CDH13: variants seen among roughly 807,000 people sequenced by gnomAD.
CDH13 encodes the protein cadherin 13, also known as cadherin-13.
A neutral mutation model predicts 63.8 loss-of-function variants in CDH13; 24 were observed. The observed-to-expected ratio is 0.38, with a 90% CI of 0.27 to 0.53. CDH13 has a LOEUF of 0.53. Among genes scored for constraint, CDH13 ranks in the 20% least tolerant of loss-of-function variants. CDH13 has a pLI of 0.85. For missense variants in CDH13, 1,049 were observed against 903.1 expected (o/e 1.16, Z -2.07); for synonymous variants, 503 against 355.3 (o/e 1.42, Z -4.67).
chr16:83,496,249 AC>A (rs2074141025), intron 7 of CDH13, among the ~76,000 whole-genome samples: 1 of 148,978 alleles, frequency 6.7e-6, no homozygotes, highest in East Asian at 2.0e-4. Context: ...ACACTACCTG[AC>A]TTCAAACTAT....
intron 3 of CDH13, among the ~76,000 whole-genome samples, chr16:83,052,222 G>A (rs544919168): frequency 1.3e-5 from 2 of 152,220 alleles, no homozygotes; most frequent in East Asian, 3.9e-4. Flanking sequence ...AGCACCTAAT[G>A]ATACATTATT....
At chr16:82,980,045 A>G (rs112117302) in intron 2 of CDH13, among the ~76,000 whole-genome samples, 13 of 152,294 alleles carry the variant, frequency 8.5e-5, no homozygotes, top group African/African-American at 3.1e-4. Flanking sequence ...AGTACAGGGA[A>G]ACCACAAGGG....
Position 83,040,910 on chromosome 16 carries a change from T to C in CDH13, c.366+8692T>C, listed in dbSNP as rs541359094. Among the ~76,000 whole-genome samples the C allele has an allele frequency of 3.1e-4, 47 of 152,312 alleles. 1 individual carries two copies. Among genetic ancestry groups the C allele is most frequent in the South Asian group, 1.7e-3 (8 of 4,826 alleles). On this transcript the variant is annotated intron_variant, in intron 3 of 13. Transcript: ENST00000567109. ...CTGAGGTGACCCAGTCCTCCATCCA[T>C]GCCCAACATGACCAAATTCTATGAT...
chr16:83,563,962 C>T (rs529918026), intron 7 of CDH13, among the ~76,000 whole-genome samples: 2 of 152,310 alleles, frequency 1.3e-5, no homozygotes, highest in Non-Finnish European at 2.9e-5. Flanking sequence ...TGTGTCTTCA[C>T]AGCCTGCCTG....
chr16:83,511,080 G>T (rs1461524935), intron 7 of CDH13, among the ~76,000 whole-genome samples: 2 of 123,820 alleles, frequency 1.6e-5, no homozygotes, highest in African/African-American at 6.9e-5. Context: ...ACACATGCAC[G>T]CATGCACACA....
chr16:82,976,536 G>A (rs976096738), intron 2 of CDH13, among the ~76,000 whole-genome samples: 12 of 152,110 alleles, frequency 7.9e-5, no homozygotes, highest in Admixed American at 4.6e-4. Flanking sequence ...CTGTCCCTGT[G>A]CTAAGTGCTC....
chr16:82,898,557 C>G (rs985927382), intron 2 of CDH13, among the ~76,000 whole-genome samples: 1 of 152,144 alleles, frequency 6.6e-6, no homozygotes, highest in Non-Finnish European at 1.5e-5. Flanking sequence ...TATTATAATT[C>G]TCTTGAATTA....
At chr16:83,493,435 A>C (rs1341792673) in intron 7 of CDH13, among the ~76,000 whole-genome samples, 1 of 152,216 alleles carries the variant, frequency 6.6e-6, no homozygotes, top group Non-Finnish European at 1.5e-5. Context: ...ATCAGGACGC[A>C]AAGATTGAGC....
At chr16:83,593,475 T>G (rs1420012784) in intron 7 of CDH13, among the ~76,000 whole-genome samples, 1 of 152,056 alleles carries the variant, frequency 6.6e-6, no homozygotes, top group East Asian at 1.9e-4. Flanking sequence ...GTAGGAGTAG[T>G]TAAACCACCA....
chr16:83,668,473 C>T (rs893027150), intron 8 of CDH13, among the ~76,000 whole-genome samples: 4 of 152,210 alleles, frequency 2.6e-5, no homozygotes, highest in South Asian at 4.1e-4. Context: ...TCCCAGCATC[C>T]TCTAGCCTTA....
At chr16:82,649,845 C>G (rs1449086840) in intron 1 of CDH13, among the ~76,000 whole-genome samples, 2 of 152,204 alleles carry the variant, frequency 1.3e-5, no homozygotes, top group Non-Finnish European at 2.9e-5. Context: ...GTCTCTGCTT[C>G]CGACCCCTCA....
chr16:83,330,213 A>C lies in CDH13; in HGVS notation c.637-14649A>C, dbSNP rs544658236. ...CACACACATACACATGTAAACACAC[A>C]CACACATGCACACACACAGGTGCAA... On this transcript the variant is annotated intron_variant, in intron 5 of 13. Coordinates refer to ENST00000567109, the MANE Select transcript of CDH13 (RefSeq NM_001257.5). Among the ~76,000 whole-genome samples the C allele has an allele frequency of 2.0e-5, 3 of 152,242 alleles. No homozygotes were observed. The East Asian group carries it at 5.8e-4, about 29-fold the overall frequency.
intron 5 of CDH13, among the ~76,000 whole-genome samples, chr16:83,296,496 G>T (rs893111114): frequency 3.3e-5 from 5 of 152,174 alleles, no homozygotes; most frequent in African/African-American, 1.2e-4. Context: ...CATAAGACAG[G>T]AGACTAGGAA....
chr16:82,861,835 C>T (rs760378818), intron 2 of CDH13, among the ~76,000 whole-genome samples: 2 of 152,164 alleles, frequency 1.3e-5, no homozygotes, highest in Non-Finnish European at 2.9e-5. Flanking sequence ...TCAGCTATTT[C>T]TTCTAACGTA....
intron 6 of CDH13, among the ~76,000 whole-genome samples, chr16:83,385,164 C>A (rs11862625): frequency 0.013 from 1,951 of 152,190 alleles, 43 homozygotes; most frequent in African/African-American, 0.045. Context: ...AGTAAGGGAC[C>A]AAAGTATAAA....
Position 83,169,446 on chromosome 16 carries a change from A to T in CDH13, c.483+43945A>T, listed in dbSNP as rs59285515. On this transcript the variant is annotated intron_variant, in intron 4 of 13. Transcript: ENST00000567109. ...TGCCTCGGCTTCCCGAAGTGCTGGG[A>T]GTAAGGTGTGAGCCACCACACCCGG... 7.3e-3 allele frequency among the ~76,000 whole-genome samples: 1,115 copies of T among 152,106 alleles called. 14 individuals are homozygous for T. The highest frequency in any genetic ancestry group is 0.026 in the African/African-American group (1,071 of 41,486).
At chr16:82,969,099 T>C (rs1908309009) in intron 2 of CDH13, among the ~76,000 whole-genome samples, 1 of 152,106 alleles carries the variant, frequency 6.6e-6, no homozygotes, top group Admixed American at 6.5e-5. Context: ...AGAATGAGAC[T>C]CTCTCTCAAA....
intron 8 of CDH13, among the ~76,000 whole-genome samples, chr16:83,608,542 C>T (rs1390007805): frequency 1.3e-5 from 2 of 152,034 alleles, no homozygotes; most frequent in Non-Finnish European, 2.9e-5. Context: ...TGCAGTAGCA[C>T]AATCATAGTT....
chr16:82,665,531 T>C (rs1222847895), intron 1 of CDH13, among the ~76,000 whole-genome samples: 1 of 152,168 alleles, frequency 6.6e-6, no homozygotes, highest in African/African-American at 2.4e-5. Flanking sequence ...GTACCATAAA[T>C]AAGAGAATCA....
Sources: allele counts gnomAD v4.1 joint callset (sites outside exome capture counted in the v4.1 genomes callset), GRCh38; gene constraint gnomAD v4.1.1; transcripts MANE v1.5; gene names NCBI Gene and HGNC (gene_info 2026-07-23, HGNC 2026-07-21).